Variants in MBOAT1 observed in about 807,000 individuals in gnomAD.
MBOAT1 encodes membrane-bound glycerophospholipid O-acyltransferase 1.
A neutral mutation model predicts 64.4 loss-of-function variants in MBOAT1; 67 were observed. The ratio of observed to expected loss-of-function variants is 1.04; its 90% CI spans 0.85 to 1.27. MBOAT1 has a LOEUF of 1.27. Among genes scored for constraint, MBOAT1 ranks in the 50% most tolerant of loss-of-function variants. The pLI, the probability that MBOAT1 is intolerant of heterozygous loss-of-function variation, is 0.00. For missense variants in MBOAT1, 563 were observed against 604.6 expected, an observed-to-expected ratio of 0.93 and a Z score of 0.72; for synonymous variants, 229 against 218.9, an observed-to-expected ratio of 1.05 and a Z score of -0.41.
chr6:20,201,173 T>C (rs1031144217), intron 1 of MBOAT1, among the ~76,000 whole-genome samples: 1 of 152,162 alleles, frequency 6.6e-6, no homozygotes, highest in Non-Finnish European at 1.5e-5. Context: ...CTTCCCAGTT[T>C]GTGGAGGAGT....
At chr6:20,138,245 G>A (rs1315812138) in intron 4 of MBOAT1, among the ~76,000 whole-genome samples, 2 of 152,076 alleles carry the variant, frequency 1.3e-5, no homozygotes, top group Admixed American at 1.3e-4. Context: ...TAGATAGTAG[G>A]GCCACTCAGT....
intron 1 of MBOAT1, among the ~76,000 whole-genome samples, chr6:20,158,398 T>C (rs1761757696): frequency 6.6e-6 from 1 of 152,144 alleles, no homozygotes; most frequent in African/African-American, 2.4e-5. Context: ...TGGACTTTCA[T>C]CTCATCCCTT....
At chr6:20,108,588 C>G (rs1448662659) in intron 12 of MBOAT1, among the ~76,000 whole-genome samples, 1 of 152,090 alleles carries the variant, frequency 6.6e-6, no homozygotes, top group Non-Finnish European at 1.5e-5. Context: ...CATTCATGAC[C>G]CCTCCATCGG....
At chr6:20,160,107 A>C (rs1761807022) in intron 1 of MBOAT1, among the ~76,000 whole-genome samples, 1 of 152,232 alleles carries the variant, frequency 6.6e-6, no homozygotes, top group Non-Finnish European at 1.5e-5. Context: ...GCCGCAAAGA[A>C]ATAAAACACA....
At chr6:20,142,163 C>A (rs1195515798) in intron 4 of MBOAT1, among the ~76,000 whole-genome samples, 1 of 152,106 alleles carries the variant, frequency 6.6e-6, no homozygotes, top group East Asian at 1.9e-4. Flanking sequence ...CCAACCAATA[C>A]AGATGGAGGG....
At chr6:20,155,533 C>T (rs1018726992) in intron 1 of MBOAT1, among the ~76,000 whole-genome samples, 1 of 152,170 alleles carries the variant, frequency 6.6e-6, no homozygotes, top group South Asian at 2.1e-4. Context: ...GAATTGGTGT[C>T]TAATATCTCT....
chr6:20,117,679 G>A (rs924313126), intron 9 of MBOAT1, among the ~76,000 whole-genome samples: 4 of 152,156 alleles, frequency 2.6e-5, no homozygotes, highest in African/African-American at 9.7e-5. Flanking sequence ...CTCTCCAGTG[G>A]ACTCTGTCTG....
At chr6:20,128,890 A>ATT (rs200663812) in intron 5 of MBOAT1, 137 bp from the exon 6 acceptor site, 23 of 571,546 alleles carry the variant, frequency 4.0e-5, no homozygotes, top group East Asian at 1.3e-4. Context: ...CCTGTTTTTC[A>ATT]TTTTTTTTTA....
At chr6:20,161,804 A>G (rs1437161377) in intron 1 of MBOAT1, among the ~76,000 whole-genome samples, 1 of 152,214 alleles carries the variant, frequency 6.6e-6, no homozygotes, top group African/African-American at 2.4e-5. Context: ...CAGAAATAAT[A>G]GCACTCAGGG....
At position 20,101,064 on chromosome 6, in the gene MBOAT1, T is replaced by C. The variant is rs1225329498; in HGVS notation, c.*1222A>G. Among the ~76,000 whole-genome samples, 1 of 152,110 alleles carries C rather than the reference T, an allele frequency of 6.6e-6. No individual in the cohort carries two copies. The highest frequency in any genetic ancestry group is 6.5e-5 in the Admixed American group (1 of 15,272). On this transcript the variant is annotated 3_prime_UTR_variant, in exon 13 of 13. Transcript: ENST00000324607. ...CCCATGTGTACATCACGGCCAGCCATGATCATTAACACCTCCATGAAATGA... is the reference window on the plus strand; with the variant it reads ...CCCATGTGTACATCACGGCCAGCCACGATCATTAACACCTCCATGAAATGA...
intron 1 of MBOAT1, among the ~76,000 whole-genome samples, chr6:20,193,111 T>C (rs1487665893): frequency 1.4e-5 from 2 of 143,520 alleles, no homozygotes; most frequent in Non-Finnish European, 3.0e-5. Context: ...GTTCACGCCA[T>C]TCTCCTGCCT....
chr6:20,134,643 T>A (rs1329067912), intron 4 of MBOAT1, among the ~76,000 whole-genome samples: 1 of 152,176 alleles, frequency 6.6e-6, no homozygotes, highest in African/African-American at 2.4e-5. Context: ...TACTTACTTT[T>A]GTGCAGTGCA....
intron 4 of MBOAT1, among the ~76,000 whole-genome samples, chr6:20,142,594 T>C (rs1761209143): frequency 6.6e-6 from 1 of 152,030 alleles, no homozygotes; most frequent in Admixed American, 6.5e-5. Context: ...AGATTACAGG[T>C]GCCTGCCATG....
At chr6:20,167,880 A>G (rs556432285) in intron 1 of MBOAT1, among the ~76,000 whole-genome samples, 1 of 152,224 alleles carries the variant, frequency 6.6e-6, no homozygotes, top group Non-Finnish European at 1.5e-5. Flanking sequence ...TATTATTAGT[A>G]TCTCTTTTGT....
chr6:20,186,324 T>C (rs1033049862), intron 1 of MBOAT1, among the ~76,000 whole-genome samples: 20 of 152,246 alleles, frequency 1.3e-4, no homozygotes, highest in African/African-American at 4.6e-4. Context: ...CACCTGCTTA[T>C]GTGCGCCATC....
chr6:20,160,191 A>T (rs1761809878), intron 1 of MBOAT1, among the ~76,000 whole-genome samples: 1 of 152,206 alleles, frequency 6.6e-6, no homozygotes, highest in Admixed American at 6.5e-5. Context: ...GCAAGTCTTA[A>T]ATCTACCCTA....
At chr6:20,123,133 A>G (rs1760543261) in intron 8 of MBOAT1, among the ~76,000 whole-genome samples, 1 of 151,508 alleles carries the variant, frequency 6.6e-6, no homozygotes, top group South Asian at 2.1e-4. Context: ...CCCAGCCAAA[A>G]AAATTATAAT....
At chr6:20,197,774 C>A (rs1561785531) in intron 1 of MBOAT1, among the ~76,000 whole-genome samples, 1 of 152,258 alleles carries the variant, frequency 6.6e-6, no homozygotes, top group East Asian at 1.9e-4. Flanking sequence ...GTCAGGACCC[C>A]CTGAGGCTGT....
At chr6:20,177,614 A>C (rs1762380437) in intron 1 of MBOAT1, among the ~76,000 whole-genome samples, 1 of 152,064 alleles carries the variant, frequency 6.6e-6, no homozygotes, top group Non-Finnish European at 1.5e-5. Flanking sequence ...TCTACTAAAA[A>C]ATACAAAAAA....
Sources: gnomAD v4.1 joint callset for allele counts (sites outside exome capture counted in the v4.1 genomes callset) on GRCh38, gnomAD v4.1.1 for gene constraint, MANE v1.5 for transcripts, NCBI Gene and HGNC (gene_info 2026-07-23, HGNC 2026-07-21) for gene names.